Variants in BLTP3A observed in about 807,000 individuals in gnomAD.
The protein encoded by BLTP3A is ICBP90 binding protein 1.
the BLTP3A span, chr6:34,874,780 T>A: frequency 6.6e-6 from 1 of 152,356 alleles, no homozygotes; most frequent in South Asian, 2.1e-4. Context: ...CTTTTGGAGA[T>A]AACAGAGAAC....
the BLTP3A span, among the ~76,000 whole-genome samples, chr6:34,819,467 A>G: frequency 3.3e-5 from 5 of 152,102 alleles, no homozygotes; most frequent in South Asian, 8.3e-4. Context: ...TAGCTAAGAG[A>G]TATGTGGGCC....
the BLTP3A span, among the ~76,000 whole-genome samples, chr6:34,845,925 G>A: frequency 3.1e-4 from 47 of 152,068 alleles, no homozygotes; most frequent in Admixed American, 7.9e-4. Flanking sequence ...TAGAAATGAA[G>A]TCTCCCTATG....
chr6:34,834,499 C>T, the BLTP3A span: 12 of 1,522,402 alleles, frequency 7.9e-6, no homozygotes, highest in Non-Finnish European at 1.1e-5. Context: ...TGTGGATTTC[C>T]TCAAATGTTC....
At chr6:34,841,597 A>T in the BLTP3A span, among the ~76,000 whole-genome samples, 2 of 152,206 alleles carry the variant, frequency 1.3e-5, no homozygotes, top group African/African-American at 4.8e-5. Context: ...TTCTTTGGAC[A>T]GTGCTGCTCT....
chr6:34,857,749 G>T, the BLTP3A span: 1 of 1,613,968 alleles, frequency 6.2e-7, no homozygotes, highest in African/African-American at 1.3e-5. Flanking sequence ...TCTACATTCA[G>T]TTAAATGGTC....
chr6:34,817,177 A>C, the BLTP3A span, among the ~76,000 whole-genome samples: 1 of 152,028 alleles, frequency 6.6e-6, no homozygotes, highest in Non-Finnish European at 1.5e-5. Flanking sequence ...AGATGAGTTT[A>C]TTTCTCCTTC....
the BLTP3A span, among the ~76,000 whole-genome samples, chr6:34,814,323 AT>A: frequency 1.3e-4 from 19 of 151,992 alleles, no homozygotes; most frequent in African/African-American, 3.6e-4. Flanking sequence ...ACCATCTTTT[AT>A]TTTTTTTAAC....
the BLTP3A span, chr6:34,867,678 C>G: frequency 1.3e-6 from 2 of 1,548,642 alleles, no homozygotes; most frequent in Non-Finnish European, 1.7e-6. Context: ...CATAGATTAA[C>G]TTGTACTTGT....
At chr6:34,840,579 A>C in the BLTP3A span, among the ~76,000 whole-genome samples, 3 of 151,140 alleles carry the variant, frequency 2.0e-5, no homozygotes, top group Admixed American at 6.6e-5. Flanking sequence ...AAAATAAATA[A>C]ATAAAATAAA....
chr6:34,846,417 T>C, the BLTP3A span, among the ~76,000 whole-genome samples: 1 of 152,078 alleles, frequency 6.6e-6, no homozygotes, highest in Non-Finnish European at 1.5e-5. Flanking sequence ...AGTACTGAGA[T>C]TACAGGCATG....
At chr6:34,859,525 C>G in the BLTP3A span, 7 of 1,613,956 alleles carry the variant, frequency 4.3e-6, no homozygotes, top group Admixed American at 8.3e-5. Context: ...GGGCAGAGAT[C>G]GAATGACCTC....
the BLTP3A span, chr6:34,867,658 C>T: frequency 6.9e-6 from 11 of 1,586,838 alleles, no homozygotes; most frequent in Non-Finnish European, 8.6e-6. Flanking sequence ...TGGGACTTGT[C>T]TAGGACAGCC....
chr6:34,794,757 T>C, the BLTP3A span, among the ~76,000 whole-genome samples: 1 of 151,884 alleles, frequency 6.6e-6, no homozygotes, highest in Non-Finnish European at 1.5e-5. Context: ...TACACAGATA[T>C]TCTGTGCACT....
At chr6:34,834,542 C>T in the BLTP3A span, 24 of 1,370,414 alleles carry the variant, frequency 1.8e-5, no homozygotes, top group South Asian at 2.8e-5. Context: ...CCTTTCTGTC[C>T]AGTGTTACTG....
chr6:34,821,096 A>G, the BLTP3A span, among the ~76,000 whole-genome samples: 1 of 151,924 alleles, frequency 6.6e-6, no homozygotes, highest in Non-Finnish European at 1.5e-5. Flanking sequence ...AGCTGGGATT[A>G]CAGGCATGCG....
chr6:34,838,773 C>T, the BLTP3A span, among the ~76,000 whole-genome samples: 1 of 152,172 alleles, frequency 6.6e-6, no homozygotes, highest in African/African-American at 2.4e-5. Context: ...CGCAAAACCT[C>T]ATCTCTAAAA....
the BLTP3A span, among the ~76,000 whole-genome samples, chr6:34,852,564 C>CCTCTG: frequency 6.7e-6 from 1 of 149,522 alleles, no homozygotes; most frequent in African/African-American, 2.5e-5. Flanking sequence ...CCTCTCCTCT[C>CCTCTG]CTCTCCTCTC....
chr6:34,869,640 CTTTTTTTTT>C, the BLTP3A span, among the ~76,000 whole-genome samples: 1 of 81,530 alleles, frequency 1.2e-5, no homozygotes, highest in African/African-American at 6.1e-5. Flanking sequence ...ACATACACCA[CTTTTTTTTT>C]TTTTTTTTTT....
the BLTP3A span, among the ~76,000 whole-genome samples, chr6:34,837,029 G>T: frequency 6.6e-6 from 1 of 152,152 alleles, no homozygotes; most frequent in African/African-American, 2.4e-5. Flanking sequence ...TTGTTGTCAG[G>T]CTCAAATGAG....
Sources: allele counts gnomAD v4.1 joint callset (sites outside exome capture counted in the v4.1 genomes callset), GRCh38; gene constraint gnomAD v4.1.1; transcripts MANE v1.5; gene names NCBI Gene and HGNC (gene_info 2026-07-23, HGNC 2026-07-21).